Variants in CLSTN2 observed in about 807,000 individuals in gnomAD.
The protein encoded by CLSTN2 is calsyntenin-2.
In CLSTN2, 48 loss-of-function variants were observed where a neutral mutation model predicts 101.2. The ratio of observed to expected loss-of-function variants is 0.47; its 90% confidence interval spans 0.38 to 0.60. The LOEUF is 0.60. CLSTN2 is among the 20% of genes least tolerant of loss of function. The pLI is 0.00. For missense variants in CLSTN2, 1,160 were observed against 1,238.2 expected (o/e 0.94, Z 0.95); for synonymous variants, 481 against 463.6 (o/e 1.04, Z -0.48).
At chr3:140,346,537 G>A (rs151218063) in intron 2 of CLSTN2, among the ~76,000 whole-genome samples, 5 of 152,328 alleles carry the variant, frequency 3.3e-5, no homozygotes, top group East Asian at 3.9e-4. Context: ...TTTAAACAGA[G>A]TTGTTCAATG....
chr3:140,230,028 T>C (rs989324993), intron 2 of CLSTN2, among the ~76,000 whole-genome samples: 1 of 152,144 alleles, frequency 6.6e-6, no homozygotes, highest in Non-Finnish European at 1.5e-5. Context: ...TCTTCTCTAG[T>C]AGCCTGTGAG....
intron 2 of CLSTN2, among the ~76,000 whole-genome samples, chr3:140,320,632 A>G (rs1269564508): frequency 1.3e-5 from 2 of 151,620 alleles, no homozygotes; most frequent in Non-Finnish European, 2.9e-5. Context: ...AGGGGTCAAT[A>G]CACATATTAT....
In CLSTN2 at chr3:140,576,028, T is replaced by C. The variant is rs1985721617; in HGVS notation, c.*9775T>C. ...CACATAGTAGGAGTTTGGTAAACAT[T>C]TGGAAATTGAAGACCCAGCTTATCA... On this transcript the variant is annotated 3_prime_UTR_variant, in exon 17 of 17. Transcript: ENST00000458420. 1 of 152,110 alleles carries C rather than the reference T, an allele frequency of 6.6e-6. No individual in the cohort carries two copies. Among genetic ancestry groups the C allele is most frequent in the Non-Finnish European group, 1.5e-5 (1 of 68,018 alleles). The allele number at this position is 152,110 out of a possible 1,614,324, so 9.4% of individuals were successfully genotyped here. A position where few individuals can be genotyped will look rare whatever the true frequency, so the allele number is the denominator to read the frequency against.
At chr3:140,230,732 A>G (rs1308191087) in intron 2 of CLSTN2, among the ~76,000 whole-genome samples, 1 of 152,220 alleles carries the variant, frequency 6.6e-6, no homozygotes, top group Non-Finnish European at 1.5e-5. Context: ...TAAGCCACCC[A>G]GTTCATGGTA....
intron 2 of CLSTN2, among the ~76,000 whole-genome samples, chr3:140,223,403 C>T (rs544976230): frequency 6.6e-6 from 1 of 152,212 alleles, no homozygotes; most frequent in Non-Finnish European, 1.5e-5. Flanking sequence ...AGCACCTGGA[C>T]CAGCCCCTTG....
chr3:140,453,174 T>C (rs1194078425), intron 6 of CLSTN2: 1 of 152,206 alleles, frequency 6.6e-6, no homozygotes, highest in Non-Finnish European at 1.5e-5. Flanking sequence ...GGAACCTTGG[T>C]GGTTCCTCAT....
chr3:139,989,007 G>A (rs1936075141), intron 1 of CLSTN2, among the ~76,000 whole-genome samples: 1 of 152,180 alleles, frequency 6.6e-6, no homozygotes, highest in East Asian at 1.9e-4. Context: ...CAAGGGCAGG[G>A]AAAGCCCGCT....
At chr3:139,963,326 G>C (rs1383305671) in intron 1 of CLSTN2, among the ~76,000 whole-genome samples, 1 of 152,106 alleles carries the variant, frequency 6.6e-6, no homozygotes, top group African/African-American at 2.4e-5. Flanking sequence ...CTTGAATTCA[G>C]CTTTTTTCTC....
intron 2 of CLSTN2, among the ~76,000 whole-genome samples, chr3:140,358,763 A>G (rs1206372283): frequency 2.0e-5 from 3 of 151,868 alleles, no homozygotes; most frequent in Admixed American, 2.0e-4. Flanking sequence ...TTTTGATCCC[A>G]TTAGTCTGGG....
chr3:140,448,703 T>C lies in CLSTN2; in HGVS notation c.972T>C (p.Cys324=), dbSNP rs1933157315. The C allele has an allele frequency of 1.2e-6, 2 of 1,601,682 alleles. No individual in the cohort carries two copies. The highest frequency in any genetic ancestry group is 1.7e-5 in the Admixed American group (1 of 59,432). Residue 324 remains cysteine (C), a splice_region_variant and synonymous_variant, in exon 6 of 17, where the codon TGT becomes TGC. Transcript: ENST00000458420. ...CTGAGAAATCCCTTCAAAAGTTATG[T>C]GGTAGGTTTTTCCCTTTTGGGATTT... is the stretch of plus-strand genomic sequence containing the variant. ...TYSEKSLQKL[C]GASSGIIDLL...
At chr3:140,216,767 G>A (rs1211983607) in intron 2 of CLSTN2, among the ~76,000 whole-genome samples, 1 of 152,194 alleles carries the variant, frequency 6.6e-6, no homozygotes, top group Non-Finnish European at 1.5e-5. Context: ...GTTTTGTACA[G>A]ATATTAGGTT....
chr3:140,321,503 G>A (rs2107923787), intron 2 of CLSTN2, among the ~76,000 whole-genome samples: 1 of 152,304 alleles, frequency 6.6e-6, no homozygotes, highest in East Asian at 1.9e-4. Flanking sequence ...TTCATGCTCA[G>A]GTCCCCTGCC....
At chr3:140,525,423 A>G (rs1457012828) in intron 8 of CLSTN2, among the ~76,000 whole-genome samples, 1 of 152,146 alleles carries the variant, frequency 6.6e-6, no homozygotes, top group African/African-American at 2.4e-5. Context: ...CAGACAAATA[A>G]TGAATTCTGA....
chr3:140,457,271 T>C (rs746486923), intron 6 of CLSTN2, among the ~76,000 whole-genome samples: 6 of 152,230 alleles, frequency 3.9e-5, no homozygotes, highest in Non-Finnish European at 7.3e-5. Flanking sequence ...GTGCTCAGCC[T>C]GCATCTCTCT....
intron 4 of CLSTN2, among the ~76,000 whole-genome samples, chr3:140,411,944 C>G (rs112192048): frequency 9.2e-5 from 14 of 152,296 alleles, no homozygotes; most frequent in African/African-American, 3.4e-4. Context: ...TAGAGAAAAA[C>G]AGACCAATGG....
At chr3:140,146,019 A>G (rs982914270) in intron 1 of CLSTN2, among the ~76,000 whole-genome samples, 2 of 152,186 alleles carry the variant, frequency 1.3e-5, no homozygotes, top group Non-Finnish European at 2.9e-5. Context: ...GGGTCATAAA[A>G]TGCTTGGAGC....
intron 2 of CLSTN2, among the ~76,000 whole-genome samples, chr3:140,211,616 C>G (rs62266219): frequency 0.29 from 43,795 of 149,950 alleles, 7,493 homozygotes; most frequent in Middle Eastern, 0.4. Flanking sequence ...TCATTTAATC[C>G]TCTGCAATAA....
intron 2 of CLSTN2, among the ~76,000 whole-genome samples, chr3:140,196,381 G>A (rs781354318): frequency 6.6e-6 from 1 of 152,212 alleles, no homozygotes; most frequent in Non-Finnish European, 1.5e-5. Flanking sequence ...ATCATTCCTG[G>A]GCAGGTTCTG....
intron 2 of CLSTN2, among the ~76,000 whole-genome samples, chr3:140,190,217 T>C (rs1043032597): frequency 3.3e-4 from 50 of 152,100 alleles, no homozygotes; most frequent in Non-Finnish European, 6.8e-4. Context: ...ATTCAGAACA[T>C]AGCAGGCATG....
Sources: gnomAD v4.1 joint callset for allele counts (sites outside exome capture counted in the v4.1 genomes callset) on GRCh38, gnomAD v4.1.1 for gene constraint, MANE v1.5 for transcripts, NCBI Gene and HGNC (gene_info 2026-07-23, HGNC 2026-07-21) for gene names.